FRMD6: variants seen among roughly 807,000 people sequenced by gnomAD.
FRMD6 encodes the protein FERM domain containing 6.
FRMD6 carries 37 observed loss-of-function variants against 73.2 expected under a neutral mutation model. The observed-to-expected ratio is 0.51, with a 90% CI of 0.39 to 0.66. The LOEUF is 0.66. FRMD6 is among the 30% of genes least tolerant of loss of function. FRMD6 has a pLI of 0.00. For synonymous variants in FRMD6, 273 were observed against 282.2 expected, an observed-to-expected ratio of 0.97 and a Z score of 0.33; for missense variants, 714 against 780.5, an observed-to-expected ratio of 0.91 and a Z score of 1.02.
chr14:51,679,809 A>G (rs1894674764), intron 1 of FRMD6, among the ~76,000 whole-genome samples: 1 of 152,172 alleles, frequency 6.6e-6, no homozygotes, highest in Admixed American at 6.6e-5. Context: ...AGGATATACC[A>G]GACCTGTGCT....
chr14:51,634,727 T>C (rs1045134831), intron 2 of FRMD6, among the ~76,000 whole-genome samples: 1 of 152,212 alleles, frequency 6.6e-6, no homozygotes, highest in African/African-American at 2.4e-5. Flanking sequence ...GCCTAGTTAG[T>C]ATAACTTCGA....
chr14:51,659,743 AT>A (rs2140152621), intron 1 of FRMD6, among the ~76,000 whole-genome samples: 1 of 152,280 alleles, frequency 6.6e-6, no homozygotes, highest in African/African-American at 2.4e-5. Flanking sequence ...TCTTTTGCTC[AT>A]GTTCCCTGTA....
chr14:51,418,295 C>G, the FRMD6 span, among the ~76,000 whole-genome samples: 7 of 152,208 alleles, frequency 4.6e-5, no homozygotes, highest in South Asian at 2.1e-4. Context: ...GTGGTTTTAT[C>G]TACCTTTGGT....
At chr14:51,693,788 A>C (rs2140391583) in intron 2 of FRMD6, among the ~76,000 whole-genome samples, 1 of 152,306 alleles carries the variant, frequency 6.6e-6, no homozygotes, top group East Asian at 1.9e-4. Context: ...GGTCTAAGGT[A>C]GGACACAAGC....
chr14:51,664,395 A>C (rs1893428811), intron 1 of FRMD6, among the ~76,000 whole-genome samples: 1 of 152,238 alleles, frequency 6.6e-6, no homozygotes, highest in Non-Finnish European at 1.5e-5. Context: ...AATTTTGCTA[A>C]CTGTCTGTAA....
intron 1 of FRMD6, among the ~76,000 whole-genome samples, chr14:51,494,770 G>C (rs1052129687): frequency 6.6e-6 from 1 of 152,130 alleles, no homozygotes; most frequent in Non-Finnish European, 1.5e-5. Context: ...CCATGATGAA[G>C]GTGACAGCCG....
At chr14:51,722,435 C>T (rs1299576548) in intron 12 of FRMD6, among the ~76,000 whole-genome samples, 1 of 152,164 alleles carries the variant, frequency 6.6e-6, no homozygotes, top group Admixed American at 6.5e-5. Flanking sequence ...ATAAGTTAAC[C>T]TATAGTTCAA....
chr14:51,667,949 A>G (rs1893721308), intron 1 of FRMD6, among the ~76,000 whole-genome samples: 1 of 152,196 alleles, frequency 6.6e-6, no homozygotes. Flanking sequence ...GAGAAATGTA[A>G]AGAGAAATTT....
intron 1 of FRMD6, among the ~76,000 whole-genome samples, chr14:51,680,161 G>A (rs1894699829): frequency 6.6e-6 from 1 of 152,160 alleles, no homozygotes; most frequent in South Asian, 2.1e-4. Context: ...TATATTTCAG[G>A]AGAAGGCTCT....
the FRMD6 span, among the ~76,000 whole-genome samples, chr14:51,430,955 G>A: frequency 1.3e-5 from 2 of 152,206 alleles, no homozygotes; most frequent in Non-Finnish European, 2.9e-5. Flanking sequence ...TAATATGTTA[G>A]TAAGGACATT....
intron 1 of FRMD6, among the ~76,000 whole-genome samples, chr14:51,510,659 A>G (rs2140252848): frequency 6.6e-6 from 1 of 152,338 alleles, no homozygotes; most frequent in South Asian, 2.1e-4. Flanking sequence ...ATCTGAATAC[A>G]TAAACTTATT....
chr14:51,621,523 C>T (rs1324128169), intron 2 of FRMD6, among the ~76,000 whole-genome samples: 1 of 152,172 alleles, frequency 6.6e-6, no homozygotes, highest in Non-Finnish European at 1.5e-5. Context: ...CCTGCTGTTC[C>T]ACCCTGTAGG....
chr14:51,598,981 C>T (rs1016129081), intron 2 of FRMD6, among the ~76,000 whole-genome samples: 4 of 150,606 alleles, frequency 2.7e-5, no homozygotes, highest in South Asian at 2.1e-4. Context: ...CTGCTTTCCA[C>T]GGTGGCTGGA....
chr14:51,503,815 A>G (rs1883769225), intron 1 of FRMD6, among the ~76,000 whole-genome samples: 1 of 146,616 alleles, frequency 6.8e-6, no homozygotes, highest in African/African-American at 2.6e-5. Context: ...TCTTCTTTGT[A>G]CGTTTGGTAG....
chr14:51,446,315 C>T, the FRMD6 span, among the ~76,000 whole-genome samples: 1 of 152,094 alleles, frequency 6.6e-6, no homozygotes, highest in Admixed American at 6.6e-5. Flanking sequence ...AAAATTTACC[C>T]TATAAATACT....
intron 2 of FRMD6, among the ~76,000 whole-genome samples, chr14:51,597,358 C>T (rs1045250085): frequency 2.6e-5 from 4 of 152,218 alleles, no homozygotes; most frequent in Non-Finnish European, 4.4e-5. Flanking sequence ...AATTAGGAGT[C>T]GCTCCCTGGA....
At chr14:51,432,537 G>A in the FRMD6 span, among the ~76,000 whole-genome samples, 1 of 152,138 alleles carries the variant, frequency 6.6e-6, no homozygotes, top group African/African-American at 2.4e-5. Flanking sequence ...GAGGACCAAT[G>A]CCTGACACTC....
At chr14:51,642,651 G>A (rs1309707830) in intron 2 of FRMD6, among the ~76,000 whole-genome samples, 1 of 152,146 alleles carries the variant, frequency 6.6e-6, no homozygotes, top group African/African-American at 2.4e-5. Flanking sequence ...TGTTCCTGGT[G>A]CCTCATCAGG....
At chr14:51,716,806 A>G (rs1897266260) in intron 10 of FRMD6, among the ~76,000 whole-genome samples, 1 of 152,232 alleles carries the variant, frequency 6.6e-6, no homozygotes, top group Admixed American at 6.5e-5. Context: ...CTATGCTGAC[A>G]TGAATATGAA....
Sources: allele counts gnomAD v4.1 joint callset (sites outside exome capture counted in the v4.1 genomes callset), GRCh38; gene constraint gnomAD v4.1.1; transcripts MANE v1.5; gene names NCBI Gene and HGNC (gene_info 2026-07-23, HGNC 2026-07-21).